The following CD1B variants were observed in gnomAD, a reference collection of about 807,000 sequenced individuals.
The protein encoded by CD1B is CD1b molecule.
Under a neutral mutation model 39.8 loss-of-function variants are expected in CD1B, and 43 were observed. The ratio of observed to expected loss-of-function variants is 1.08; its 90% CI spans 0.85 to 1.39. The LOEUF is 1.39. Among genes scored for constraint, CD1B ranks in the 40% most tolerant of loss-of-function variants. The pLI is 0.00. For missense variants in CD1B, 495 were observed against 403.8 expected (o/e 1.23, Z -1.94); for synonymous variants, 192 against 152.5 (o/e 1.26, Z -1.91).
chr1:158,300,055 C>G, the CD1B span, among the ~76,000 whole-genome samples: 1 of 152,074 alleles, frequency 6.6e-6, no homozygotes, highest in Non-Finnish European at 1.5e-5. Context: ...GCTCTTGCTT[C>G]TCTAGTTCTT....
the CD1B span, among the ~76,000 whole-genome samples, chr1:158,296,835 C>T: frequency 2.0e-5 from 3 of 152,150 alleles, no homozygotes; most frequent in African/African-American, 7.2e-5. Flanking sequence ...ATAGACCACA[C>T]TGAGGGAAGA....
chr1:158,292,370 G>C, the CD1B span: 1 of 1,610,036 alleles, frequency 6.2e-7, no homozygotes, highest in East Asian at 2.2e-5. Context: ...GGCAAGGTCA[G>C]TAGTTTCAGC....
the CD1B span, chr1:158,293,291 TAAG>T: frequency 6.2e-7 from 1 of 1,613,626 alleles, no homozygotes; most frequent in Admixed American, 1.7e-5. Flanking sequence ...TGTTATGGTT[TAAG>T]AAGCACTGGT....
At chr1:158,322,991 T>C (rs978863999), downstream of CD1B, among the ~76,000 whole-genome samples, 15 of 152,182 alleles carry the variant, frequency 9.9e-5, no homozygotes, top group African/African-American at 2.7e-4. Context: ...TTGAATATGA[T>C]TGATGGCCTT....
At chr1:158,294,456 A>G in the CD1B span, among the ~76,000 whole-genome samples, 8 of 152,296 alleles carry the variant, frequency 5.3e-5, no homozygotes, top group East Asian at 1.5e-3. Flanking sequence ...TGCTTCCTCA[A>G]TCTGTCCATG....
At chr1:158,309,481 T>G in the CD1B span, among the ~76,000 whole-genome samples, 56 of 152,080 alleles carry the variant, frequency 3.7e-4, no homozygotes, top group East Asian at 4.1e-3. Flanking sequence ...CCATTACTGG[T>G]TATATACCCA....
chr1:158,330,182 G>C (rs764290365), intron 2 of CD1B, 52 bp from the exon 3 acceptor site: 9 of 1,511,134 alleles, frequency 6.0e-6, no homozygotes, highest in Non-Finnish European at 7.1e-6. Flanking sequence ...AGAAAAAAAG[G>C]CATGAGAAAA....
At chr1:158,292,135 G>T in the CD1B span, 2 of 1,614,092 alleles carry the variant, frequency 1.2e-6, no homozygotes. Flanking sequence ...TCTGGAAAGA[G>T]CCCAGAAGGC....
At chr1:158,293,484 C>T in the CD1B span, 2 of 1,613,930 alleles carry the variant, frequency 1.2e-6, no homozygotes, top group Non-Finnish European at 1.7e-6. Context: ...TGAGACTCTT[C>T]CCCCTGACTC....
chr1:158,320,854 C>T, the CD1B span, among the ~76,000 whole-genome samples: 1 of 151,840 alleles, frequency 6.6e-6, no homozygotes, highest in Non-Finnish European at 1.5e-5. Flanking sequence ...TAGTTCTATA[C>T]CATTATTGTT....
chr1:158,296,242 A>C, the CD1B span, among the ~76,000 whole-genome samples: 1 of 151,866 alleles, frequency 6.6e-6, no homozygotes, highest in South Asian at 2.1e-4. Context: ...CCTCCAGTGA[A>C]GCAGGTGCTC....
chr1:158,297,601 T>G, the CD1B span, among the ~76,000 whole-genome samples: 1 of 152,094 alleles, frequency 6.6e-6, no homozygotes, highest in Non-Finnish European at 1.5e-5. Flanking sequence ...ATATTTACCT[T>G]GAAGGTAAAT....
chr1:158,307,180 C>T, the CD1B span, among the ~76,000 whole-genome samples: 43 of 151,938 alleles, frequency 2.8e-4, no homozygotes, highest in South Asian at 8.9e-3. Context: ...TGACAGACTG[C>T]TAGCAAGACT....
At chr1:158,317,568 G>A in the CD1B span, among the ~76,000 whole-genome samples, 1 of 151,542 alleles carries the variant, frequency 6.6e-6, no homozygotes, top group Non-Finnish European at 1.5e-5. Context: ...TTCTTTATTA[G>A]TCTTGCTAGT....
chr1:158,310,726 A>C, the CD1B span, among the ~76,000 whole-genome samples: 3 of 152,132 alleles, frequency 2.0e-5, no homozygotes, highest in African/African-American at 7.2e-5. Flanking sequence ...CAACATCACT[A>C]ATCATCAGAG....
the CD1B span, chr1:158,290,002 AGTTT>A: frequency 6.8e-7 from 1 of 1,469,488 alleles, no homozygotes; most frequent in Non-Finnish European, 9.5e-7. Context: ...CAGAGGGATA[AGTTT>A]GCTAAGAACA....
chr1:158,317,552 C>T, the CD1B span, among the ~76,000 whole-genome samples: 1 of 152,100 alleles, frequency 6.6e-6, no homozygotes, highest in Admixed American at 6.5e-5. Context: ...ATTCTTCTCT[C>T]TTTTTTTCTT....
chr1:158,308,496 G>A, the CD1B span, among the ~76,000 whole-genome samples: 1 of 152,116 alleles, frequency 6.6e-6, no homozygotes, highest in East Asian at 1.9e-4. Flanking sequence ...AAGTTCATAT[G>A]GAACCAAAAA....
At chr1:158,328,859 A>G (rs1312747518) in intron 5 of CD1B, 62 bp downstream of exon 5, 2 of 1,147,398 alleles carry the variant, frequency 1.7e-6, no homozygotes. Context: ...ATGGTAAAAA[A>G]CAGTGGAAGG....
Sources: gnomAD v4.1 joint callset for allele counts (sites outside exome capture counted in the v4.1 genomes callset) on GRCh38, gnomAD v4.1.1 for gene constraint, MANE v1.5 for transcripts, NCBI Gene and HGNC (gene_info 2026-07-23, HGNC 2026-07-21) for gene names.